The following MAN1A2 variants were observed in gnomAD, a reference collection of about 807,000 sequenced individuals.
The protein encoded by MAN1A2 is mannosyl-oligosaccharide 1,2-alpha-mannosidase IB.
MAN1A2 carries 26 observed loss-of-function variants against 75.7 expected under a neutral mutation model. The observed-to-expected ratio is 0.34, with a 90% confidence interval of 0.25 to 0.48. MAN1A2 has a LOEUF of 0.48. Ranked by LOEUF, MAN1A2 falls within the 20% of genes least tolerant of loss-of-function variation. The pLI, the probability that MAN1A2 is intolerant of heterozygous loss-of-function variation, is 0.99. For missense variants in MAN1A2, 562 were observed against 775.5 expected, an observed-to-expected ratio of 0.72 and a Z score of 3.27; for synonymous variants, 247 against 264.6, an observed-to-expected ratio of 0.93 and a Z score of 0.65.
At chr1:117,386,176 C>G (rs556176874) in intron 1 of MAN1A2, among the ~76,000 whole-genome samples, 3 of 151,978 alleles carry the variant, frequency 2.0e-5, no homozygotes, top group African/African-American at 7.3e-5. Context: ...TAAAGGAAAC[C>G]GAAAGGAATC....
At chr1:117,400,056 G>A (rs2622364) in intron 1 of MAN1A2, among the ~76,000 whole-genome samples, 151,558 of 152,220 alleles carry the variant, frequency 1, 75,453 homozygotes, top group South Asian at 1. Context: ...TAAGACTTCA[G>A]TCAGCACCTA....
chr1:117,441,729 G>A (rs1451771135), intron 5 of MAN1A2, among the ~76,000 whole-genome samples: 2 of 152,210 alleles, frequency 1.3e-5, no homozygotes, highest in East Asian at 3.9e-4. Context: ...GACAAATGAA[G>A]CATTTATAAC....
At chr1:117,420,187 G>T (rs1648140808) in intron 4 of MAN1A2, among the ~76,000 whole-genome samples, 1 of 151,934 alleles carries the variant, frequency 6.6e-6, no homozygotes, top group African/African-American at 2.4e-5. Flanking sequence ...ATGCTGTAGT[G>T]ATTAGAACAG....
Position 117,402,425 on chromosome 1 carries a change from G to A in MAN1A2, c.542G>A (p.Arg181Lys), listed in dbSNP as rs1442870136. Residue 181 changes from arginine (R) to lysine (K), a missense_variant, in exon 2 of 13, where the codon AGG (arginine) becomes AAG (lysine). Physicochemically the swap from Arg to Lys is conservative, Grantham distance 26. This residue lies in a region of MAN1A2 where 434 missense variants were observed against 645.7 expected (regional missense o/e 0.67). Transcript: ENST00000356554. Reference protein sequence around the residue: ...DPEDNDIREKREKIKEMMKHA... With the variant: ...DPEDNDIREKKEKIKEMMKHA... Reference sequence around the variant, plus strand: ...GAAGATAATGACATAAGAGAGAAAAGGGAAAAAATTAAAGAGGTAATAAGC... The same window carrying A: ...GAAGATAATGACATAAGAGAGAAAAAGGAAAAAATTAAAGAGGTAATAAGC... The A allele has an allele frequency of 3.1e-6, 5 of 1,592,438 alleles. No individual in the cohort carries two copies. The highest frequency in any genetic ancestry group is 1.8e-5 in the Admixed American group (1 of 54,090).
At chr1:117,501,734 T>C (rs1350527015) in intron 11 of MAN1A2, among the ~76,000 whole-genome samples, 1 of 151,762 alleles carries the variant, frequency 6.6e-6, no homozygotes, top group African/African-American at 2.4e-5. Context: ...AATGAGCAGA[T>C]TGATTAAATA....
At chr1:117,376,416 G>C (rs767875737) in intron 1 of MAN1A2, among the ~76,000 whole-genome samples, 1 of 152,226 alleles carries the variant, frequency 6.6e-6, no homozygotes, top group African/African-American at 2.4e-5. Flanking sequence ...TTGGCTTGGA[G>C]CCACTATGGT....
rs540100340 is a variant in MAN1A2, at chr1:117,370,187, A to G, written c.302+1702A>G. Among the ~76,000 whole-genome samples the G allele has an allele frequency of 6.6e-5, 10 of 152,350 alleles. 1 individual carries two copies. Among genetic ancestry groups the G allele is most frequent in the Admixed American group, 3.9e-4 (6 of 15,302 alleles). ...TTATGAAGCCCTTGGATATATATGC[A>G]TATGTATTTAGCTATCTAAAACTAT... On this transcript the variant is annotated intron_variant, in intron 1 of 12. Coordinates refer to ENST00000356554, the MANE Select transcript of MAN1A2 (RefSeq NM_006699.5).
At chr1:117,421,094 C>G (rs772529596) in intron 5 of MAN1A2, among the ~76,000 whole-genome samples, 1 of 152,050 alleles carries the variant, frequency 6.6e-6, no homozygotes, top group Non-Finnish European at 1.5e-5. Flanking sequence ...TCTGAATTCT[C>G]CTCTCTGGAA....
intron 1 of MAN1A2, among the ~76,000 whole-genome samples, chr1:117,373,484 G>GTTTTTTTTTTTTTTTTTTTTTTTTT (rs34482916): frequency 8.8e-6 from 1 of 113,364 alleles, no homozygotes; most frequent in Non-Finnish European, 1.9e-5. Flanking sequence ...TGCTGCATTT[G>GTTTTTTTTTTTTTTTTTTTTTTTTT]TTTTTTTTTT....
chr1:117,383,706 A>G (rs923180293), intron 1 of MAN1A2, among the ~76,000 whole-genome samples: 6 of 152,052 alleles, frequency 3.9e-5, no homozygotes, highest in African/African-American at 1.4e-4. Flanking sequence ...CATGTAGATT[A>G]TCTAATTTTT....
chr1:117,409,997 G>A (rs1647753554), intron 3 of MAN1A2, among the ~76,000 whole-genome samples: 1 of 151,826 alleles, frequency 6.6e-6, no homozygotes, highest in Admixed American at 6.6e-5. Context: ...TTATAAAATA[G>A]TATATAATAT....
chr1:117,456,903 A>G (rs1233053050), intron 6 of MAN1A2, among the ~76,000 whole-genome samples: 2 of 152,088 alleles, frequency 1.3e-5, no homozygotes, highest in African/African-American at 4.8e-5. Flanking sequence ...CCATCAAACC[A>G]TTATTCCTAC....
intron 12 of MAN1A2, among the ~76,000 whole-genome samples, chr1:117,514,064 T>C (rs1486774789): frequency 6.6e-6 from 1 of 152,278 alleles, no homozygotes; most frequent in East Asian, 1.9e-4. Context: ...AACATTTCTA[T>C]GTTTGGAAGT....
intron 6 of MAN1A2, among the ~76,000 whole-genome samples, chr1:117,458,510 TAGATATA>T (rs1557959104): frequency 1.4e-4 from 13 of 95,330 alleles, no homozygotes; most frequent in African/African-American, 5.8e-4. Flanking sequence ...TATATATATA[TAGATATA>T]TATATATTTT....
intron 8 of MAN1A2, among the ~76,000 whole-genome samples, chr1:117,477,441 G>C (rs1650354351): frequency 6.6e-6 from 1 of 152,004 alleles, no homozygotes; most frequent in African/African-American, 2.4e-5. Context: ...TATCCACCAT[G>C]ATCAAGTCGG....
chr1:117,382,601 G>A (rs1342978589), intron 1 of MAN1A2, among the ~76,000 whole-genome samples: 5 of 152,202 alleles, frequency 3.3e-5, no homozygotes, highest in African/African-American at 1.2e-4. Context: ...AGTATAGTTT[G>A]AAGTCAGGTA....
intron 1 of MAN1A2, among the ~76,000 whole-genome samples, chr1:117,389,330 G>A (rs1653643682): frequency 6.6e-6 from 1 of 152,182 alleles, no homozygotes; most frequent in African/African-American, 2.4e-5. Flanking sequence ...GGTGGGGGAT[G>A]ATGGCTTCAG....
At chr1:117,476,338 C>T (rs140855976) in intron 8 of MAN1A2, among the ~76,000 whole-genome samples, 38,652 of 151,912 alleles carry the variant, frequency 0.25, 5,634 homozygotes, top group East Asian at 0.47. Flanking sequence ...GTTTCTTTTG[C>T]TGTGCAGAAG....
intron 10 of MAN1A2, 73 bp from the exon 11 acceptor site, chr1:117,499,309 G>A: frequency 9.3e-7 from 1 of 1,075,112 alleles, no homozygotes; most frequent in Non-Finnish European, 1.3e-6. Flanking sequence ...TGTTCTTTCA[G>A]GGAAGAAAGA....
Sources: allele counts gnomAD v4.1 joint callset (sites outside exome capture counted in the v4.1 genomes callset), GRCh38; gene constraint gnomAD v4.1.1; regional missense constraint gnomAD v4.1.1; transcripts MANE v1.5; gene names NCBI Gene and HGNC (gene_info 2026-07-23, HGNC 2026-07-21).